LAMTOR1: variants seen among roughly 807,000 people sequenced by gnomAD.
The protein encoded by LAMTOR1 is late endosomal/lysosomal adaptor, MAPK and MTOR activator 1.
In LAMTOR1, 8 loss-of-function variants were observed where a neutral mutation model predicts 20.5. That is an observed-to-expected ratio of 0.39 (90% CI 0.23 to 0.70). The LOEUF (loss-of-function observed/expected upper bound fraction) is 0.70. LAMTOR1 is among the 30% of genes least tolerant of loss of function. The probability of loss-of-function intolerance (pLI) is 0.43; values close to 1 mark genes in which losing one functional copy is unlikely to be tolerated. For missense variants in LAMTOR1, 135 were observed against 206.2 expected (o/e 0.65, Z 2.11); for synonymous variants, 77 against 80.9 (o/e 0.95, Z 0.26).
rs891643066 is a variant in LAMTOR1 at position 72,098,168 on chromosome 11, A to C, written c.393+121T>G. The C allele has an allele frequency of 2.2e-6, 3 of 1,335,916 alleles. No homozygotes were observed. The Admixed American group carries it at 6.7e-5, about 30-fold the overall frequency. 82.8% of individuals were successfully genotyped at this position (1,335,916 alleles called of 1,614,324 possible). A position where few individuals can be genotyped will look rare whatever the true frequency, so the allele number is the denominator to read the frequency against. On this transcript the variant is annotated intron_variant, in intron 4 of 4. Transcript: ENST00000278671. The stretch of plus-strand genomic sequence containing the variant: ...GAGGTGGGAGGGAGCTGGGGCCTAC[A>C]AGGCTACCAGGCTCCCTAACTCCAC...
rs1175254614 is a variant in LAMTOR1, at chr11:72,097,582, C to T, written c.*240G>A. 4 of 1,336,174 alleles carry T rather than the reference C, an allele frequency of 3.0e-6. No homozygotes were observed. The highest frequency in any genetic ancestry group is 1.5e-5 in the African/African-American group (1 of 67,012). The allele number at this position is 1,336,174 out of a possible 1,614,324, so 82.8% of individuals were successfully genotyped here. On this transcript the variant is annotated 3_prime_UTR_variant, in exon 5 of 5. Transcript: ENST00000278671. ...ATTCTCAATGACTATGAAGACATACCAGGCTCTGTCCTTTTGGCCCCCACC... is the reference window on the plus strand; with the variant it reads ...ATTCTCAATGACTATGAAGACATACTAGGCTCTGTCCTTTTGGCCCCCACC...
At chr11:72,101,526 C>G (rs1275573691) in intron 1 of LAMTOR1, among the ~76,000 whole-genome samples, 1 of 152,236 alleles carries the variant, frequency 6.6e-6, no homozygotes, top group Non-Finnish European at 1.5e-5. Context: ...ACATAACCCA[C>G]ACTAATATGA....
intron 4 of LAMTOR1, 122 bp from the exon 5 acceptor site, chr11:72,098,036 C>T: frequency 1.6e-6 from 2 of 1,269,202 alleles, no homozygotes; most frequent in Non-Finnish European, 2.2e-6. Context: ...AACAGGAAGG[C>T]AAAGAGAAAG....
Position 72,099,180 on chromosome 11 carries a change from T to C in LAMTOR1, c.119A>G (p.Tyr40Cys), listed in dbSNP as rs747033462. The change falls in exon 2 of 5, where the codon TAC becomes TGC. Residue 40 changes from tyrosine to cysteine, a missense_variant. By Grantham distance (194) the Tyr-to-Cys change is radical. Transcript: ENST00000278671. Reference sequence around the variant, plus strand: ...AGTGCGAGCGGAAGGCAGGCTGTGGTAGTTGGGCTCGGCTCCATTGAGAGC... The same window carrying C: ...AGTGCGAGCGGAAGGCAGGCTGTGGCAGTTGGGCTCGGCTCCATTGAGAGC... ...TKALNGAEPNYHSLPSARTDE... is the reference protein window; with the variant it reads ...TKALNGAEPNCHSLPSARTDE... 9.9e-6 allele frequency: 16 copies of C among 1,613,150 alleles called. No individual in the cohort carries two copies. The highest frequency in any genetic ancestry group is 2.7e-5 in the African/African-American group (2 of 74,838).
At position 72,097,537 on chromosome 11, in the gene LAMTOR1, A is replaced by C; in HGVS notation, c.*285T>G. On this transcript the variant is annotated 3_prime_UTR_variant, in exon 5 of 5. Coordinates refer to ENST00000278671, the MANE Select transcript of LAMTOR1 (RefSeq NM_017907.3). ...CTAGGTCCCCTGGTGATCACCCCCC[A>C]CCCAAACTGGTATCTCCACATTCTC... The C allele has an allele frequency of 1.7e-6, 2 of 1,203,302 alleles. No homozygotes were observed. The highest frequency in any genetic ancestry group is 2.1e-6 in the Non-Finnish European group (2 of 959,306). 74.5% of individuals were successfully genotyped at this position (1,203,302 alleles called of 1,614,324 possible). A position where few individuals can be genotyped will look rare whatever the true frequency, so the allele number is the denominator to read the frequency against.
At chr11:72,099,685 AC>A (rs2135159068) in intron 1 of LAMTOR1, among the ~76,000 whole-genome samples, 1 of 152,330 alleles carries the variant, frequency 6.6e-6, no homozygotes, top group African/African-American at 2.4e-5. Context: ...ATCCCCTAGG[AC>A]CAGGCCTTCC....
At position 72,099,173 on chromosome 11, in the gene LAMTOR1, G is replaced by A. The variant is rs897956205; in HGVS notation, c.126C>T (p.Ser42=). 3 of 1,613,644 alleles carry A rather than the reference G, an allele frequency of 1.9e-6. No individual in the cohort carries two copies. Among genetic ancestry groups the A allele is most frequent in the Non-Finnish European group, 2.5e-6 (3 of 1,179,756 alleles). The stretch of plus-strand genomic sequence containing the variant: ...GCTCATCAGTGCGAGCGGAAGGCAG[G>A]CTGTGGTAGTTGGGCTCGGCTCCAT... ...ALNGAEPNYH[S]LPSARTDEQA... Residue 42 remains serine (S), a synonymous_variant, in exon 2 of 5, where the codon AGC becomes AGT. Transcript: ENST00000278671.
rs1190344325 is a variant in LAMTOR1, at chr11:72,097,498, G to A, written c.*324C>T. 6 of 1,103,680 alleles carry A rather than the reference G, an allele frequency of 5.4e-6. No homozygotes were observed. Among genetic ancestry groups the A allele is most frequent in the Admixed American group, 4.5e-5 (1 of 22,138 alleles). 68.4% of individuals were successfully genotyped at this position (1,103,680 alleles called of 1,614,324 possible). ...GACTCTGAGGCCAACAGAGAGGGTG[G>A]GAAGGGGATCTCCCTAGGTCCCCTG... On this transcript the variant is annotated 3_prime_UTR_variant, in exon 5 of 5. Transcript: ENST00000278671.
intron 1 of LAMTOR1, chr11:72,100,490 A>G (rs1591178449): frequency 6.6e-6 from 1 of 152,354 alleles, no homozygotes; most frequent in East Asian, 1.9e-4. Context: ...TGAGACCATC[A>G]GCTGCAAATC....
Position 72,097,505 on chromosome 11 carries a change from G to T in LAMTOR1, c.*317C>A, listed in dbSNP as rs1396286025. 1.5e-5 allele frequency: 17 copies of T among 1,111,488 alleles called. No individual in the cohort carries two copies. The highest frequency in any genetic ancestry group is 8.8e-6 in the Non-Finnish European group (8 of 905,668). The allele number at this position is 1,111,488 out of a possible 1,614,324, so 68.9% of individuals were successfully genotyped here. Reference sequence around the variant, plus strand: ...AGGCCAACAGAGAGGGTGGGAAGGGGATCTCCCTAGGTCCCCTGGTGATCA... The same window carrying T: ...AGGCCAACAGAGAGGGTGGGAAGGGTATCTCCCTAGGTCCCCTGGTGATCA... On this transcript the variant is annotated 3_prime_UTR_variant, in exon 5 of 5. Transcript: ENST00000278671.
rs1945271233 is a variant in LAMTOR1 at position 72,097,572 on chromosome 11, G to A, written c.*250C>T. On this transcript the variant is annotated 3_prime_UTR_variant, in exon 5 of 5. Transcript: ENST00000278671. Reference sequence around the variant, plus strand: ...GTATCTCCACATTCTCAATGACTATGAAGACATACCAGGCTCTGTCCTTTT... The same window carrying A: ...GTATCTCCACATTCTCAATGACTATAAAGACATACCAGGCTCTGTCCTTTT... The A allele has an allele frequency of 1.5e-6, 2 of 1,314,996 alleles. No individual in the cohort carries two copies. Among genetic ancestry groups the A allele is most frequent in the East Asian group, 3.3e-5 (1 of 30,654 alleles). The allele number at this position is 1,314,996 out of a possible 1,614,324, so 81.5% of individuals were successfully genotyped here. A position where few individuals can be genotyped will look rare whatever the true frequency, so the allele number is the denominator to read the frequency against.
chr11:72,102,929 G>A (rs1328053107), intron 1 of LAMTOR1, among the ~76,000 whole-genome samples: 1 of 152,250 alleles, frequency 6.6e-6, no homozygotes, highest in Admixed American at 6.5e-5. Flanking sequence ...TTGAAGGTAG[G>A]AGCAAACGGA....
chr11:72,103,228 CG>C lies in LAMTOR1; in HGVS notation c.-5del. ...CGCTGCTGTAGCAGCACCCCATGGC[CG>C]GGGTCGGGCCGGGCGCTCAGGCCGC... On this transcript the variant is annotated 5_prime_UTR_variant, in exon 1 of 5. Coordinates refer to ENST00000278671, the MANE Select transcript of LAMTOR1 (RefSeq NM_017907.3). 6.4e-7 allele frequency: 1 copy of C among 1,560,990 alleles called. No homozygotes were observed. Among genetic ancestry groups the C allele is most frequent in the Admixed American group, 1.9e-5 (1 of 52,478 alleles).
chr11:72,103,069 T>TGAG, intron 1 of LAMTOR1, 114 bp downstream of exon 1: 1 of 1,356,408 alleles, frequency 7.4e-7, no homozygotes, highest in Non-Finnish European at 1.0e-6. Context: ...CCTCCAGGCC[T>TGAG]CCGTATTCAG....
intron 4 of LAMTOR1, 129 bp downstream of exon 4, chr11:72,098,160 G>C (rs1216865313): frequency 1.6e-6 from 2 of 1,239,782 alleles, no homozygotes; most frequent in Non-Finnish European, 2.3e-6. Flanking sequence ...GAGGGAGCTG[G>C]GGCCTACAAG....
rs754399018 is a variant in LAMTOR1, at chr11:72,097,921, C to G, written c.394-7G>C. 8.8e-6 allele frequency: 14 copies of G among 1,584,856 alleles called. No individual in the cohort carries two copies. The highest frequency in any genetic ancestry group is 1.2e-5 in the Non-Finnish European group (14 of 1,160,546). On this transcript the variant is annotated splice_region_variant and splice_polypyrimidine_tract_variant and intron_variant, in intron 4 of 4. Transcript: ENST00000278671. ...AAGCAGCTATCCTGGAGACCTGAGA[C>G]AGAGAGGGGCCGGGGAGGAGAGGAA... is the stretch of plus-strand genomic sequence containing the variant.
At chr11:72,099,582 A>G (rs1945364040) in intron 1 of LAMTOR1, among the ~76,000 whole-genome samples, 1 of 152,226 alleles carries the variant, frequency 6.6e-6, no homozygotes, top group Admixed American at 6.5e-5. Flanking sequence ...AAAGGATACT[A>G]GAGGCTGGAA....
intron 1 of LAMTOR1, among the ~76,000 whole-genome samples, chr11:72,101,898 A>G (rs1945455690): frequency 6.6e-6 from 1 of 152,156 alleles, no homozygotes; most frequent in Non-Finnish European, 1.5e-5. Flanking sequence ...AGTCCATATT[A>G]TGCTTTAAGG....
rs1193847045 is a variant in LAMTOR1 at position 72,097,512 on chromosome 11, C to T, written c.*310G>A. ...CAGAGAGGGTGGGAAGGGGATCTCCCTAGGTCCCCTGGTGATCACCCCCCA... is the reference window on the plus strand; with the variant it reads ...CAGAGAGGGTGGGAAGGGGATCTCCTTAGGTCCCCTGGTGATCACCCCCCA... On this transcript the variant is annotated 3_prime_UTR_variant, in exon 5 of 5. Transcript: ENST00000278671. 8.7e-7 allele frequency: 1 copy of T among 1,149,916 alleles called. No homozygotes were observed. 71.2% of individuals were successfully genotyped at this position (1,149,916 alleles called of 1,614,324 possible). A position where few individuals can be genotyped will look rare whatever the true frequency, so the allele number is the denominator to read the frequency against.
Sources: gnomAD v4.1 joint callset for allele counts (sites outside exome capture counted in the v4.1 genomes callset) on GRCh38, gnomAD v4.1.1 for gene constraint, MANE v1.5 for transcripts, NCBI Gene and HGNC (gene_info 2026-07-23, HGNC 2026-07-21) for gene names.